Variants in CSMD1 observed in about 807,000 individuals in gnomAD.
CSMD1 encodes CUB and Sushi multiple domains 1, also known as CUB and sushi domain-containing protein 1.
CSMD1 carries 213 observed loss-of-function variants against 417.5 expected under a neutral mutation model. That is an observed-to-expected ratio of 0.51 (90% CI 0.46 to 0.57). CSMD1 has a LOEUF of 0.57. CSMD1 is among the 20% of genes least tolerant of loss of function. The probability of loss-of-function intolerance (pLI) is 0.00; values close to 1 mark genes in which losing one functional copy is unlikely to be tolerated. For synonymous variants in CSMD1, 2,862 were observed against 1,736.8 expected (o/e 1.65, Z -16.11); for missense variants, 6,923 against 4,529.7 (o/e 1.53, Z -15.17).
At chr8:4,113,501 T>A (rs1585340688) in intron 3 of CSMD1, among the ~76,000 whole-genome samples, 1 of 144,144 alleles carries the variant, frequency 6.9e-6, no homozygotes, top group Non-Finnish European at 1.5e-5. Context: ...GCCTCCCAGG[T>A]TCAAGCAATT....
intron 5 of CSMD1, among the ~76,000 whole-genome samples, chr8:3,972,734 C>A (rs921736806): frequency 6.6e-6 from 1 of 152,198 alleles, no homozygotes; most frequent in East Asian, 1.9e-4. Context: ...AGTAAACACA[C>A]AGCACCAGCT....
At chr8:4,829,850 A>G (rs569602134) in intron 1 of CSMD1, among the ~76,000 whole-genome samples, 2 of 152,276 alleles carry the variant, frequency 1.3e-5, no homozygotes, top group South Asian at 4.1e-4. Flanking sequence ...CTTGGGGACA[A>G]GGGGCTGGTC....
intron 5 of CSMD1, among the ~76,000 whole-genome samples, chr8:3,805,852 C>G (rs1038554626): frequency 6.6e-6 from 1 of 152,146 alleles, no homozygotes; most frequent in Non-Finnish European, 1.5e-5. Flanking sequence ...ACAAAAATTT[C>G]ATGCCTCAGT....
intron 1 of CSMD1, among the ~76,000 whole-genome samples, chr8:4,651,710 G>C (rs991181563): frequency 1.3e-5 from 2 of 152,058 alleles, no homozygotes; most frequent in Non-Finnish European, 2.9e-5. Context: ...ATTTCAACAT[G>C]ACACTCTAAT....
intron 1 of CSMD1, among the ~76,000 whole-genome samples, chr8:4,856,328 C>T (rs1448106129): frequency 1.4e-5 from 2 of 144,990 alleles, no homozygotes; most frequent in Non-Finnish European, 3.0e-5. Flanking sequence ...AATGTAAAGA[C>T]CATCGAGACT....
intron 3 of CSMD1, among the ~76,000 whole-genome samples, chr8:4,251,865 G>GAGAGGGTGGAGGA (rs1803104872): frequency 6.8e-6 from 1 of 146,640 alleles, no homozygotes; most frequent in African/African-American, 2.5e-5. Flanking sequence ...ATGGAGGAGA[G>GAGAGGGTGGAGGA]AGAGGGTGGA....
At chr8:3,486,249 T>C (rs979564296) in intron 11 of CSMD1, among the ~76,000 whole-genome samples, 4 of 147,882 alleles carry the variant, frequency 2.7e-5, no homozygotes, top group African/African-American at 1.0e-4. Flanking sequence ...CTCCTTGTAC[T>C]GTACTTTTAA....
rs185939411 is a variant in CSMD1, at chr8:4,846,665, G to C, written c.85+147667C>G. 1.8e-3 allele frequency among the ~76,000 whole-genome samples: 269 copies of C among 152,290 alleles called. 2 individuals carry two copies. Among genetic ancestry groups the C allele is most frequent in the Non-Finnish European group, 5.0e-4 (34 of 68,028 alleles). Reference sequence around the variant, plus strand: ...CTAAGGATGACAACATGGACTTGTAGACTAACACTTTAAATTTCTCCTTTC... The same window carrying C: ...CTAAGGATGACAACATGGACTTGTACACTAACACTTTAAATTTCTCCTTTC... On this transcript the variant is annotated intron_variant, in intron 1 of 69. Coordinates refer to ENST00000635120, the MANE Select transcript of CSMD1 (RefSeq NM_033225.6).
chr8:4,205,377 C>T (rs62501362), intron 3 of CSMD1, among the ~76,000 whole-genome samples: 23,033 of 152,174 alleles, frequency 0.15, 1,853 homozygotes, highest in South Asian at 0.27. Flanking sequence ...AAAGTGTGAA[C>T]AATTTTTTAG....
intron 1 of CSMD1, among the ~76,000 whole-genome samples, chr8:4,672,949 C>A (rs747148689): frequency 6.6e-6 from 1 of 151,828 alleles, no homozygotes; most frequent in East Asian, 1.9e-4. Flanking sequence ...CATGGTGACA[C>A]GGCACACATA....
chr8:4,849,831 T>C (rs1366695104), intron 1 of CSMD1, among the ~76,000 whole-genome samples: 2 of 152,216 alleles, frequency 1.3e-5, no homozygotes, highest in African/African-American at 4.8e-5. Flanking sequence ...TTTCTCAGAA[T>C]ATTTCCTCAT....
intron 1 of CSMD1, among the ~76,000 whole-genome samples, chr8:4,652,102 A>C (rs1392471203): frequency 6.6e-6 from 1 of 152,324 alleles, no homozygotes; most frequent in East Asian, 1.9e-4. Flanking sequence ...TTTTTTTCCA[A>C]TTAAATTAAT....
intron 47 of CSMD1, among the ~76,000 whole-genome samples, chr8:3,096,134 T>C (rs772309928): frequency 3.9e-5 from 6 of 152,194 alleles, no homozygotes; most frequent in Non-Finnish European, 8.8e-5. Flanking sequence ...ATTGAGATCA[T>C]CTTCTCTAAA....
chr8:3,984,695 T>C lies in CSMD1; in HGVS notation c.818+13208A>G, dbSNP rs1366696159. Among the ~76,000 whole-genome samples the C allele has an allele frequency of 1.5e-5, 2 of 132,624 alleles. 1 individual carries two copies. Among genetic ancestry groups the C allele is most frequent in the Non-Finnish European group, 3.2e-5 (2 of 63,068 alleles). 87.0% of individuals were successfully genotyped at this position (132,624 alleles called of 152,430 possible). A position where few individuals can be genotyped will look rare whatever the true frequency, so the allele number is the denominator to read the frequency against. On this transcript the variant is annotated intron_variant, in intron 5 of 69. Coordinates refer to ENST00000635120, the MANE Select transcript of CSMD1 (RefSeq NM_033225.6). ...AATGATTTATGGGTTCAGGATTCAG[T>C]GTATATATCATATATATATATATAT...
At chr8:3,637,479 G>C (rs915391550) in intron 7 of CSMD1, among the ~76,000 whole-genome samples, 5 of 152,112 alleles carry the variant, frequency 3.3e-5, no homozygotes, top group Admixed American at 6.5e-5. Context: ...CATAGCTTCA[G>C]AATTGTTCTT....
intron 3 of CSMD1, among the ~76,000 whole-genome samples, chr8:4,057,862 C>T (rs551063840): frequency 6.6e-6 from 1 of 152,274 alleles, no homozygotes; most frequent in African/African-American, 2.4e-5. Context: ...AGCATTATTT[C>T]TGCAGGCTGT....
intron 3 of CSMD1, among the ~76,000 whole-genome samples, chr8:4,225,519 T>TTA (rs1167283637): frequency 2.1e-5 from 3 of 143,288 alleles, no homozygotes; most frequent in Non-Finnish European, 4.7e-5. Context: ...TTTTTTTTTT[T>TTA]ATTCCTTTTT....
At chr8:4,839,641 A>G (rs183939002) in intron 1 of CSMD1, among the ~76,000 whole-genome samples, 76 of 152,292 alleles carry the variant, frequency 5.0e-4, no homozygotes, top group Non-Finnish European at 2.2e-4. Context: ...TGTTCCTCAC[A>G]CATGGTTGGG....
Position 4,104,692 on chromosome 8 carries a change from G to C in CSMD1, c.416-72593C>G, listed in dbSNP as rs575429826. On this transcript the variant is annotated intron_variant, in intron 3 of 69. Coordinates refer to ENST00000635120, the MANE Select transcript of CSMD1 (RefSeq NM_033225.6). ...TAGTAAAACAGCACAGTTCCAGGCGGTTTCACACAATAGCTGGCAACAGTC... is the reference window on the plus strand; with the variant it reads ...TAGTAAAACAGCACAGTTCCAGGCGCTTTCACACAATAGCTGGCAACAGTC... Among the ~76,000 whole-genome samples, 240 of 152,280 alleles carry C rather than the reference G, an allele frequency of 1.6e-3. 1 individual carries two copies. The highest frequency in any genetic ancestry group is 5.2e-3 in the African/African-American group (215 of 41,550).
Sources: allele counts gnomAD v4.1 joint callset (sites outside exome capture counted in the v4.1 genomes callset), GRCh38; gene constraint gnomAD v4.1.1; transcripts MANE v1.5; gene names NCBI Gene and HGNC (gene_info 2026-07-23, HGNC 2026-07-21).